Variants in RTN4 observed in about 807,000 individuals in gnomAD.
The protein encoded by RTN4 is reticulon-4.
Under a neutral mutation model 90.4 loss-of-function variants are expected in RTN4, and 32 were observed. That is an observed-to-expected ratio of 0.35 (90% CI 0.27 to 0.48). The LOEUF (loss-of-function observed/expected upper bound fraction) is 0.48. Among genes scored for constraint, RTN4 ranks in the 20% least tolerant of loss-of-function variants. RTN4 has a pLI of 0.99. For synonymous variants in RTN4, 629 were observed against 552.5 expected (o/e 1.14, Z -1.94); for missense variants, 1,706 against 1,430.2 (o/e 1.19, Z -3.11).
intron 2 of RTN4, among the ~76,000 whole-genome samples, chr2:55,068,227 T>C (rs995599593): frequency 5.9e-5 from 9 of 152,208 alleles, no homozygotes; most frequent in South Asian, 2.1e-4. Flanking sequence ...TCTGAAAGTA[T>C]ATCGATGAAC....
At chr2:54,999,712 T>G (rs878970144) in intron 3 of RTN4, among the ~76,000 whole-genome samples, 2 of 152,132 alleles carry the variant, frequency 1.3e-5, no homozygotes, top group Non-Finnish European at 2.9e-5. Flanking sequence ...ATATATTTAT[T>G]AAGAATCACA....
chr2:54,994,518 A>G (rs1260826117), intron 3 of RTN4, among the ~76,000 whole-genome samples: 1 of 152,196 alleles, frequency 6.6e-6, no homozygotes, highest in Non-Finnish European at 1.5e-5. Flanking sequence ...GCATCTCACA[A>G]ACTCCAACAC....
intron 1 of RTN4, among the ~76,000 whole-genome samples, chr2:55,095,788 G>A (rs1019900076): frequency 2.0e-5 from 3 of 152,142 alleles, no homozygotes; most frequent in African/African-American, 4.8e-5. Flanking sequence ...TTTCCTGTTA[G>A]GATCCCATCC....
At chr2:55,017,302 G>C (rs35631428) in intron 3 of RTN4, among the ~76,000 whole-genome samples, 1 of 151,848 alleles carries the variant, frequency 6.6e-6, no homozygotes, top group East Asian at 1.9e-4. Context: ...ATTTTAAGTC[G>C]TAAGAATATC....
At chr2:55,014,342 G>A (rs1288585377) in intron 3 of RTN4, 1 of 152,054 alleles carries the variant, frequency 6.6e-6, no homozygotes, top group African/African-American at 2.4e-5. Context: ...AAACTAATAT[G>A]CTAACTTCTT....
chr2:55,137,463 G>A, the RTN4 span, among the ~76,000 whole-genome samples: 1 of 152,164 alleles, frequency 6.6e-6, no homozygotes, highest in Non-Finnish European at 1.5e-5. Context: ...ATAGACAGCA[G>A]GGACTAAATT....
intron 3 of RTN4, among the ~76,000 whole-genome samples, chr2:55,000,919 C>T (rs1679807300): frequency 6.6e-6 from 1 of 151,888 alleles, no homozygotes; most frequent in South Asian, 2.1e-4. Flanking sequence ...AGGAATAAAC[C>T]ATGTTTTGTT....
intron 1 of RTN4, among the ~76,000 whole-genome samples, chr2:55,090,165 G>A (rs1048107564): frequency 6.6e-6 from 1 of 152,178 alleles, no homozygotes; most frequent in Non-Finnish European, 1.5e-5. Context: ...TAGGGCTGGA[G>A]TGGAGACAGC....
intron 1 of RTN4, among the ~76,000 whole-genome samples, chr2:55,098,728 T>G (rs1424037898): frequency 6.6e-6 from 1 of 152,116 alleles, no homozygotes; most frequent in African/African-American, 2.4e-5. Flanking sequence ...AATATGCCTT[T>G]TAAATCTCTT....
intron 1 of RTN4, among the ~76,000 whole-genome samples, chr2:55,105,854 T>C (rs1002973988): frequency 2.6e-5 from 4 of 151,976 alleles, no homozygotes; most frequent in Non-Finnish European, 5.9e-5. Flanking sequence ...GTGGCACATG[T>C]CTGTAGTCCT....
At chr2:55,134,460 C>A in the RTN4 span, among the ~76,000 whole-genome samples, 5 of 152,228 alleles carry the variant, frequency 3.3e-5, no homozygotes, top group Admixed American at 3.3e-4. Context: ...CAGAGACAGC[C>A]CCCAGACTCA....
intron 1 of RTN4, among the ~76,000 whole-genome samples, chr2:55,089,213 T>G (rs1306013080): frequency 6.6e-6 from 1 of 152,146 alleles, no homozygotes; most frequent in African/African-American, 2.4e-5. Flanking sequence ...AGGGCTATCC[T>G]TAGGACTCTT....
At chr2:55,089,083 C>A (rs1186680872) in intron 1 of RTN4, among the ~76,000 whole-genome samples, 10 of 152,070 alleles carry the variant, frequency 6.6e-5, no homozygotes, top group Admixed American at 6.6e-4. Context: ...CAGGCGCTCA[C>A]AGTTAATTTT....
At chr2:54,992,889 G>A (rs1303463659) in intron 3 of RTN4, among the ~76,000 whole-genome samples, 1 of 151,652 alleles carries the variant, frequency 6.6e-6, no homozygotes, top group Non-Finnish European at 1.5e-5. Flanking sequence ...CTAACACGGT[G>A]AAACCCCGTC....
At chr2:55,009,944 A>G in intron 3 of RTN4, 1 of 844,920 alleles carries the variant, frequency 1.2e-6, no homozygotes, top group Non-Finnish European at 1.8e-6. Context: ...AAAACACGTG[A>G]GATAGCCGTT....
chr2:55,136,369 G>T, the RTN4 span, among the ~76,000 whole-genome samples: 3 of 152,228 alleles, frequency 2.0e-5, no homozygotes, highest in Admixed American at 6.5e-5. Context: ...GGAAGAATCA[G>T]GGGAGCAGAG....
the RTN4 span, among the ~76,000 whole-genome samples, chr2:55,119,113 G>A: frequency 3.3e-5 from 5 of 152,322 alleles, no homozygotes; most frequent in South Asian, 8.3e-4. Flanking sequence ...GAGGTGGGAG[G>A]CTGGATGGAC....
chr2:55,116,181 G>A (rs1668122808), upstream of RTN4, among the ~76,000 whole-genome samples: 1 of 147,700 alleles, frequency 6.8e-6, no homozygotes, highest in Non-Finnish European at 1.5e-5. Context: ...CTCCCGCCTG[G>A]CCTCCCAAAG....
At chr2:55,030,138 T>A (rs1276583868) in intron 1 of RTN4, among the ~76,000 whole-genome samples, 1 of 152,170 alleles carries the variant, frequency 6.6e-6, no homozygotes, top group Non-Finnish European at 1.5e-5. Context: ...AAACATATAT[T>A]ACTGTTAAAG....
Sources: allele counts gnomAD v4.1 joint callset (sites outside exome capture counted in the v4.1 genomes callset), GRCh38; gene constraint gnomAD v4.1.1; transcripts MANE v1.5; gene names NCBI Gene and HGNC (gene_info 2026-07-23, HGNC 2026-07-21).